The following DTD1 variants were observed in gnomAD, a reference collection of about 807,000 sequenced individuals.
The protein encoded by DTD1 is D-aminoacyl-tRNA deacylase 1, also known as D-tyrosyl-tRNA deacylase 1 homolog.
In DTD1, 13 loss-of-function variants were observed where a neutral mutation model predicts 25.6. The ratio of observed to expected loss-of-function variants is 0.51; its 90% CI spans 0.33 to 0.81. The LOEUF is 0.81. Among genes scored for constraint, DTD1 ranks in the 30% least tolerant of loss-of-function variants. The pLI is 0.02. For synonymous variants in DTD1, 110 were observed against 103.6 expected (o/e 1.06, Z -0.37); for missense variants, 193 against 266.4 (o/e 0.72, Z 1.92).
chr20:18,589,446 T>C (rs529272082), intron 1 of DTD1, among the ~76,000 whole-genome samples: 98 of 152,194 alleles, frequency 6.4e-4, no homozygotes, highest in Admixed American at 1.6e-3. Flanking sequence ...ACCAAAACCG[T>C]ATATTTAAAT....
At chr20:18,722,391 A>G (rs2061207652) in intron 4 of DTD1, among the ~76,000 whole-genome samples, 1 of 151,972 alleles carries the variant, frequency 6.6e-6, no homozygotes, top group Non-Finnish European at 1.5e-5. Flanking sequence ...AGCAATGCAT[A>G]TGGAATTGGA....
At chr20:18,724,674 T>C (rs2061217063) in intron 4 of DTD1, among the ~76,000 whole-genome samples, 1 of 152,238 alleles carries the variant, frequency 6.6e-6, no homozygotes, top group Non-Finnish European at 1.5e-5. Context: ...ATTTAGAATC[T>C]GTAGTGGGCA....
intron 5 of DTD1, among the ~76,000 whole-genome samples, chr20:18,752,313 A>G (rs1403104698): frequency 2.0e-5 from 3 of 152,008 alleles, no homozygotes; most frequent in African/African-American, 7.2e-5. Context: ...TTGGTATTCC[A>G]ATTATATATA....
At chr20:18,637,844 TTTA>T (rs1236176284) in intron 4 of DTD1, among the ~76,000 whole-genome samples, 1 of 152,338 alleles carries the variant, frequency 6.6e-6, no homozygotes, top group Non-Finnish European at 1.5e-5. Context: ...CTGCAGATTA[TTTA>T]TTGTTTCATG....
intron 4 of DTD1, among the ~76,000 whole-genome samples, chr20:18,728,420 A>G (rs2061229908): frequency 6.6e-6 from 1 of 152,078 alleles, no homozygotes; most frequent in Non-Finnish European, 1.5e-5. Flanking sequence ...GCGCTTCCTA[A>G]AGTTCAAGGT....
Position 18,593,205 on chromosome 20 carries a change from A to G in DTD1, c.44-526A>G, listed in dbSNP as rs535436899. On this transcript the variant is annotated intron_variant, in intron 1 of 5. Transcript: ENST00000377452. Reference sequence around the variant, plus strand: ...GCAGTTTGGTGAGTTGAAGCTTAATACATAAATTGTGATTTTTATGTATTA... The same window carrying G: ...GCAGTTTGGTGAGTTGAAGCTTAATGCATAAATTGTGATTTTTATGTATTA... Among the ~76,000 whole-genome samples the G allele has an allele frequency of 1.7e-4, 26 of 152,328 alleles. No homozygotes were observed. The South Asian group carries it at 5.2e-3, about 30-fold the overall frequency.
intron 4 of DTD1, among the ~76,000 whole-genome samples, chr20:18,716,446 G>A (rs1007941883): frequency 2.0e-5 from 3 of 152,194 alleles, no homozygotes; most frequent in Non-Finnish European, 2.9e-5. Context: ...CATGCCACCC[G>A]CAGGTGGCTG....
intron 4 of DTD1, among the ~76,000 whole-genome samples, chr20:18,698,077 G>A (rs1430232409): frequency 2.0e-5 from 3 of 152,074 alleles, no homozygotes; most frequent in African/African-American, 7.2e-5. Flanking sequence ...CCAAGAAATG[G>A]GTATGAACAC....
At chr20:18,627,794 G>A (rs1278660141) in intron 3 of DTD1, among the ~76,000 whole-genome samples, 1 of 152,112 alleles carries the variant, frequency 6.6e-6, no homozygotes, top group African/African-American at 2.4e-5. Context: ...TGAATCATGG[G>A]GGCGGGTCTT....
At chr20:18,758,925 T>A (rs2061350047) in intron 5 of DTD1, among the ~76,000 whole-genome samples, 1 of 152,188 alleles carries the variant, frequency 6.6e-6, no homozygotes, top group Non-Finnish European at 1.5e-5. Flanking sequence ...GCTTCTGTAT[T>A]GGGTGCATAT....
At chr20:18,712,354 C>T (rs749280661) in intron 4 of DTD1, among the ~76,000 whole-genome samples, 1 of 119,132 alleles carries the variant, frequency 8.4e-6, no homozygotes, top group Non-Finnish European at 1.6e-5. Context: ...CCACAGGACA[C>T]ATATGATATC....
At chr20:18,622,628 T>G (rs185417740) in intron 3 of DTD1, among the ~76,000 whole-genome samples, 1 of 152,198 alleles carries the variant, frequency 6.6e-6, no homozygotes, top group Non-Finnish European at 1.5e-5. Flanking sequence ...TAGTGTAGAA[T>G]TTTTGCATCT....
At chr20:18,684,205 C>T (rs969774537) in intron 4 of DTD1, among the ~76,000 whole-genome samples, 1 of 152,032 alleles carries the variant, frequency 6.6e-6, no homozygotes, top group Admixed American at 6.6e-5. Context: ...ACTCCTGCCT[C>T]CCCACCCCAC....
At chr20:18,596,347 T>C (rs917153909) in intron 3 of DTD1, 106 bp downstream of exon 3, 1 of 925,952 alleles carries the variant, frequency 1.1e-6, no homozygotes, top group African/African-American at 1.7e-5. Context: ...AGTCATTGTT[T>C]ATGCTTGTTA....
At chr20:18,756,388 GT>G (rs1165154490) in intron 5 of DTD1, among the ~76,000 whole-genome samples, 1 of 152,142 alleles carries the variant, frequency 6.6e-6, no homozygotes, top group African/African-American at 2.4e-5. Context: ...TTCTTCTAGG[GT>G]TTTTATGGTT....
At chr20:18,723,138 C>T (rs2061211139) in intron 4 of DTD1, among the ~76,000 whole-genome samples, 1 of 152,310 alleles carries the variant, frequency 6.6e-6, no homozygotes, top group South Asian at 2.1e-4. Context: ...AAGGGGCTGT[C>T]CTGTGCGTTG....
intron 4 of DTD1, among the ~76,000 whole-genome samples, chr20:18,657,329 GA>G (rs201856445): frequency 4.0e-5 from 6 of 151,696 alleles, no homozygotes; most frequent in Non-Finnish European, 8.8e-5. Context: ...GCAACATGCT[GA>G]AAAAAAACAA....
chr20:18,714,819 T>C (rs1862962136), intron 4 of DTD1, among the ~76,000 whole-genome samples: 1 of 152,212 alleles, frequency 6.6e-6, no homozygotes, highest in Non-Finnish European at 1.5e-5. Flanking sequence ...CTATTTCAAC[T>C]AGAAGATTTC....
At chr20:18,631,108 A>C in intron 4 of DTD1, 1 of 985,432 alleles carries the variant, frequency 1.0e-6, no homozygotes. Flanking sequence ...TCAGCTTTGC[A>C]GGGAAAGAAG....
Sources: gnomAD v4.1 joint callset for allele counts (sites outside exome capture counted in the v4.1 genomes callset) on GRCh38, gnomAD v4.1.1 for gene constraint, MANE v1.5 for transcripts, NCBI Gene and HGNC (gene_info 2026-07-23, HGNC 2026-07-21) for gene names.